WDFY4: variants seen among roughly 807,000 people sequenced by gnomAD.
WDFY4 encodes the protein WDFY family member 4, also known as WD repeat- and FYVE domain-containing protein 4.
A neutral mutation model predicts 351.9 loss-of-function variants in WDFY4; 169 were observed. The observed-to-expected ratio is 0.48, with a 90% CI of 0.42 to 0.55. WDFY4 has a LOEUF of 0.55. WDFY4 is among the 20% of genes least tolerant of loss of function. The probability of loss-of-function intolerance (pLI) is 0.00; values close to 1 mark genes in which losing one functional copy is unlikely to be tolerated. For missense variants in WDFY4, 3,803 were observed against 3,935.6 expected (o/e 0.97, Z 0.90); for synonymous variants, 1,622 against 1,574.6 (o/e 1.03, Z -0.71).
At chr10:48,879,592 C>G (rs1220486870) in intron 43 of WDFY4, among the ~76,000 whole-genome samples, 1 of 152,236 alleles carries the variant, frequency 6.6e-6, no homozygotes, top group Admixed American at 6.5e-5. Flanking sequence ...CAGTGGGGCT[C>G]AGCAGATTCT....
chr10:48,841,172 AT>A (rs1199525236), intron 39 of WDFY4, among the ~76,000 whole-genome samples: 1 of 152,182 alleles, frequency 6.6e-6, no homozygotes, highest in Admixed American at 6.5e-5. Context: ...AAAAGCAGTT[AT>A]TTTGCTGCTA....
In WDFY4 at chr10:48,709,828, A is replaced by T. The variant is rs2063723382; in HGVS notation, c.96A>T (p.Pro32=). The change falls in exon 2 of 62, where the codon CCA becomes CCT. Residue 32 remains proline, a synonymous_variant. Transcript: ENST00000325239. ...TTGCTGCTGTGCAGCCTGATGTCCC[A>T]CATGGAGGGCAGTCCTCCAGCCCCA... ...GQLAAVQPDV[P]HGGQSSSPTA... 3 of 1,551,776 alleles carry T rather than the reference A, an allele frequency of 1.9e-6. No individual in the cohort carries two copies. The highest frequency in any genetic ancestry group is 1.4e-5 in the African/African-American group (1 of 73,068).
intron 39 of WDFY4, among the ~76,000 whole-genome samples, chr10:48,850,958 T>C (rs999807951): frequency 2.0e-5 from 3 of 152,258 alleles, no homozygotes; most frequent in African/African-American, 7.2e-5. Context: ...TTTTCTTTCC[T>C]AGGCAAATAT....
chr10:48,800,152 G>A (rs1457904719), intron 24 of WDFY4, among the ~76,000 whole-genome samples: 2 of 152,214 alleles, frequency 1.3e-5, no homozygotes, highest in Non-Finnish European at 2.9e-5. Flanking sequence ...CCAAAGCCCT[G>A]GGATTACAAG....
chr10:48,745,650 G>A, intron 12 of WDFY4: 3 of 569,912 alleles, frequency 5.3e-6, no homozygotes, highest in Non-Finnish European at 6.6e-6. Flanking sequence ...AGTGGGTCTC[G>A]GCCTTCTCCT....
intron 39 of WDFY4, among the ~76,000 whole-genome samples, chr10:48,844,919 A>T (rs916237091): frequency 3.3e-5 from 5 of 152,198 alleles, no homozygotes; most frequent in Admixed American, 3.3e-4. Flanking sequence ...GACCTAGATG[A>T]TGCGCCAGAG....
intron 11 of WDFY4, among the ~76,000 whole-genome samples, chr10:48,742,759 T>G (rs374947272): frequency 1.1e-4 from 17 of 152,182 alleles, no homozygotes; most frequent in African/African-American, 4.1e-4. Flanking sequence ...ATCAACCGTA[T>G]AGATTAGTGT....
chr10:48,872,124 T>C (rs1022812647), intron 40 of WDFY4, among the ~76,000 whole-genome samples: 2 of 152,210 alleles, frequency 1.3e-5, no homozygotes, highest in Middle Eastern at 3.2e-3. Flanking sequence ...TGCTGGGCAC[T>C]ATCCCCCACC....
intron 23 of WDFY4, among the ~76,000 whole-genome samples, chr10:48,795,491 G>GTATATATATATATATATATATA (rs60705301): frequency 4.9e-5 from 5 of 101,238 alleles, no homozygotes; most frequent in Non-Finnish European, 7.3e-5. Context: ...GTGTGTGTCT[G>GTATATATATATATATATATATA]TATATATATA....
At chr10:48,788,889 A>G (rs2066585166) in intron 21 of WDFY4, among the ~76,000 whole-genome samples, 1 of 152,236 alleles carries the variant, frequency 6.6e-6, no homozygotes, top group South Asian at 2.1e-4. Flanking sequence ...TTATTCAGAG[A>G]AGAAAAATCA....
chr10:48,756,610 G>A (rs1589531431), intron 12 of WDFY4, among the ~76,000 whole-genome samples: 1 of 151,984 alleles, frequency 6.6e-6, no homozygotes, highest in Admixed American at 6.6e-5. Context: ...ATTTGTAGAT[G>A]CCCATTGTTA....
At chr10:48,734,150 A>G in intron 10 of WDFY4, 115 bp downstream of exon 10, 1 of 856,090 alleles carries the variant, frequency 1.2e-6, no homozygotes, top group East Asian at 2.7e-5. Flanking sequence ...ACACAGCGTT[A>G]GCTGTGGCTA....
rs564220194 is a variant in WDFY4 at position 48,778,738 on chromosome 10, G to A, written c.3303G>A (p.Arg1101=). The part of the protein sequence containing the change: ...RFLTLVRHLA[R]TEQPFVCFSV... ...TGACGTTGGTGCGCCACCTGGCCAG[G>A]ACTGAGCAACCCTTTGTTTGCTTCT... The change falls in exon 18 of 62, where the codon AGG becomes AGA. Residue 1101 remains arginine (R), a synonymous_variant. Transcript: ENST00000325239. The A allele has an allele frequency of 2.3e-5, 35 of 1,551,662 alleles. 1 individual carries two copies. The South Asian group carries it at 3.7e-4, about 16-fold the overall frequency.
intron 13 of WDFY4, among the ~76,000 whole-genome samples, chr10:48,772,960 G>T (rs1275833038): frequency 6.6e-6 from 1 of 151,188 alleles, no homozygotes; most frequent in Non-Finnish European, 1.5e-5. Flanking sequence ...TGGACTTTTG[G>T]GTTGGTTCCA....
intron 32 of WDFY4, among the ~76,000 whole-genome samples, chr10:48,818,239 C>A (rs1327485271): frequency 1.3e-5 from 2 of 152,182 alleles, no homozygotes; most frequent in Non-Finnish European, 2.9e-5. Flanking sequence ...GCTAAAGGAG[C>A]ATATTTGAAA....
intron 35 of WDFY4, chr10:48,823,067 C>T (rs2067877615): frequency 1.2e-5 from 14 of 1,165,670 alleles, no homozygotes. Flanking sequence ...TGTACAAATG[C>T]ATACCTGTAG....
intron 47 of WDFY4, among the ~76,000 whole-genome samples, chr10:48,935,584 T>C (rs1001004232): frequency 2.6e-5 from 4 of 152,192 alleles, no homozygotes; most frequent in African/African-American, 9.7e-5. Context: ...TGTGCAAGTA[T>C]TTTTTTTCTG....
chr10:48,777,059 T>C (rs1413920003), intron 16 of WDFY4, 75 bp downstream of exon 16: 52 of 1,446,298 alleles, frequency 3.6e-5, no homozygotes, highest in Non-Finnish European at 4.5e-5. Context: ...TAATATTGAT[T>C]GCAAACTTGT....
At chr10:48,931,087 T>A (rs1396888996) in intron 47 of WDFY4, among the ~76,000 whole-genome samples, 1 of 74,290 alleles carries the variant, frequency 1.3e-5, no homozygotes, top group African/African-American at 4.2e-5. Context: ...GCATGCACAC[T>A]CACACTCAAA....
Sources: allele counts gnomAD v4.1 joint callset (sites outside exome capture counted in the v4.1 genomes callset), GRCh38; gene constraint gnomAD v4.1.1; transcripts MANE v1.5; gene names NCBI Gene and HGNC (gene_info 2026-07-23, HGNC 2026-07-21).